The following VGLL2 variants were observed in gnomAD, a reference collection of about 807,000 sequenced individuals.
VGLL2 encodes the protein vestigial like family member 2, also known as transcription cofactor vestigial-like protein 2.
Under a neutral mutation model 27.0 loss-of-function variants are expected in VGLL2, and 18 were observed. The observed-to-expected ratio is 0.67, with a 90% confidence interval of 0.46 to 0.99. The LOEUF (loss-of-function observed/expected upper bound fraction) is 0.99. Among genes scored for constraint, VGLL2 ranks in the 50% least tolerant of loss-of-function variants. VGLL2 has a pLI of 0.00. For missense variants in VGLL2, 491 were observed against 452.3 expected, an observed-to-expected ratio of 1.09 and a Z score of -0.78; for synonymous variants, 220 against 201.1, an observed-to-expected ratio of 1.09 and a Z score of -0.80.
At chr6:117,270,453 G>C (rs1773160878) in intron 2 of VGLL2, 90 bp from the exon 3 acceptor site, 3 of 1,427,308 alleles carry the variant, frequency 2.1e-6, no homozygotes, top group Non-Finnish European at 2.8e-6. Flanking sequence ...TCGTCTCTCG[G>C]GCGGGACGTG....
chr6:117,268,134 G>A (rs944250861), intron 1 of VGLL2, 48 bp from the exon 2 acceptor site: 2 of 1,581,214 alleles, frequency 1.3e-6, no homozygotes, highest in Non-Finnish European at 1.7e-6. Flanking sequence ...AACCGAATTT[G>A]CCATCGCTTT....
chr6:117,268,134 G>T, intron 1 of VGLL2, 48 bp from the exon 2 acceptor site: 1 of 1,581,214 alleles, frequency 6.3e-7, no homozygotes. Context: ...AACCGAATTT[G>T]CCATCGCTTT....
chr6:117,270,663 TCGC>T lies in VGLL2; in HGVS notation c.521_523del (p.Ala174del). ...GCCACCGCGCACTCGGAGCTGCCCT[TCGC>T]CGCCGCCGACCCCTACTCGCCCGCC... On this transcript the variant is annotated inframe_deletion, in exon 3 of 4. Transcript: ENST00000326274. The T allele has an allele frequency of 6.4e-7, 1 of 1,561,764 alleles. No individual in the cohort carries two copies. The highest frequency in any genetic ancestry group is 1.4e-5 in the African/African-American group (1 of 72,226).
Position 117,273,215 on chromosome 6 carries a change from G to T in VGLL2, c.*721G>T, listed in dbSNP as rs1219774542. 6.6e-6 allele frequency: 1 copy of T among 152,382 alleles called. No homozygotes were observed. The highest frequency in any genetic ancestry group is 1.5e-5 in the Non-Finnish European group (1 of 68,052). The allele number at this position is 152,382 out of a possible 1,614,324, so 9.4% of individuals were successfully genotyped here. ...TTGGCAGAACAATTGCAATTGCACT[G>T]GGTATATTATATATATATATGTATG... On this transcript the variant is annotated 3_prime_UTR_variant, in exon 4 of 4. Coordinates refer to ENST00000326274, the MANE Select transcript of VGLL2 (RefSeq NM_182645.3).
At chr6:117,272,101 A>G (rs1773214299) in intron 3 of VGLL2, among the ~76,000 whole-genome samples, 1 of 149,316 alleles carries the variant, frequency 6.7e-6, no homozygotes, top group Non-Finnish European at 1.5e-5. Flanking sequence ...GACTTTCACA[A>G]TAAAACAGTG....
chr6:117,265,743 C>T lies in VGLL2; in HGVS notation c.-21C>T, dbSNP rs781673397. On this transcript the variant is annotated 5_prime_UTR_variant, in exon 1 of 4. Coordinates refer to ENST00000326274, the MANE Select transcript of VGLL2 (RefSeq NM_182645.3). ...GGAGAGTTAATGAAAAAACACTTAA[C>T]CGTCTCCGCTGCGGAGAGTCATGAG... 1.5e-5 allele frequency: 24 copies of T among 1,606,182 alleles called. No individual in the cohort carries two copies. Among genetic ancestry groups the T allele is most frequent in the Non-Finnish European group, 2.0e-5 (24 of 1,172,966 alleles).
intron 1 of VGLL2, among the ~76,000 whole-genome samples, chr6:117,266,720 G>A (rs1183207320): frequency 6.6e-6 from 1 of 152,168 alleles, no homozygotes; most frequent in African/African-American, 2.4e-5. Context: ...ATACACCTGG[G>A]AGGCTGTAGG....
rs147838633 is a variant in VGLL2 at position 117,270,566 on chromosome 6, C to T, written c.415C>T (p.Arg139Cys). 4.4e-6 allele frequency: 7 copies of T among 1,598,786 alleles called. No homozygotes were observed. The highest frequency in any genetic ancestry group is 1.4e-5 in the African/African-American group (1 of 73,604). The change falls in exon 3 of 4, where the codon CGC (arginine) becomes TGC (cysteine). Residue 139 changes from arginine to cysteine, a missense_variant. Physicochemically the swap from Arg to Cys is radical, Grantham distance 180 (BLOSUM62 -3). Transcript: ENST00000326274. Reference sequence around the variant, plus strand: ...AGACTGCTCCTTCCCGATGAGCCAGCGCAGCTTCCCCGCCTCCTTCTGGAA... The same window carrying T: ...AGACTGCTCCTTCCCGATGAGCCAGTGCAGCTTCCCCGCCTCCTTCTGGAA... ...WRDCSFPMSQ[R>C]SFPASFWNSA... is the part of the protein sequence containing the mutation.
At chr6:117,268,530 TCCTCTCAGCCTGGGGTTCA>T in intron 2 of VGLL2, 39 bp downstream of exon 2, 2 of 1,519,526 alleles carry the variant, frequency 1.3e-6, no homozygotes, top group Non-Finnish European at 1.8e-6. Context: ...CCATAGGGGG[TCCTCTCAGCCTGGGGTTCA>T]CCTACAGGAG....
At chr6:117,272,181 G>C (rs210974) in intron 3 of VGLL2, 40,430 of 351,684 alleles carry the variant, frequency 0.11, 3,681 homozygotes, top group African/African-American at 0.33. Context: ...CCCTCCCTTT[G>C]TCTTCCTCCT....
chr6:117,265,584 G>C lies in VGLL2; in HGVS notation c.-180G>C. On this transcript the variant is annotated 5_prime_UTR_variant, in exon 1 of 4. Transcript: ENST00000326274. ...CTTCTGCCCTGGAGCGCGGTCGGGAGTAAAATCGCAGGAGTGGGAGGGTAG... is the reference window on the plus strand; with the variant it reads ...CTTCTGCCCTGGAGCGCGGTCGGGACTAAAATCGCAGGAGTGGGAGGGTAG... 3.3e-6 allele frequency: 2 copies of C among 614,978 alleles called. No homozygotes were observed. The highest frequency in any genetic ancestry group is 5.5e-5 in the East Asian group (2 of 36,172). The allele number at this position is 614,978 out of a possible 1,614,324, so 38.1% of individuals were successfully genotyped here.
chr6:117,270,469 C>T, intron 2 of VGLL2, 74 bp from the exon 3 acceptor site: 2 of 1,468,060 alleles, frequency 1.4e-6, no homozygotes, highest in South Asian at 1.3e-5. Flanking sequence ...ACGTGCAGGT[C>T]GGCGCTGAGT....
intron 3 of VGLL2, 196 bp from the exon 4 acceptor site, chr6:117,272,258 C>G: frequency 1.0e-6 from 1 of 971,902 alleles, no homozygotes; most frequent in Non-Finnish European, 1.2e-6. Flanking sequence ...CTCTCCCTCT[C>G]TTTCCCTCCC....
chr6:117,267,042 G>T (rs1225762287), intron 1 of VGLL2, among the ~76,000 whole-genome samples: 4 of 152,058 alleles, frequency 2.6e-5, no homozygotes, highest in African/African-American at 9.7e-5. Context: ...ACATCGTTTT[G>T]TCCCCAATTA....
Position 117,272,492 on chromosome 6 carries a change from T to C in VGLL2, c.952T>C (p.Ter318ArgextTer13). Residue 318 changes from the stop codon to arginine (R), a stop_lost, in exon 4 of 4, where the codon TGA (stop) becomes CGA (arginine). Coordinates refer to ENST00000326274, the MANE Select transcript of VGLL2 (RefSeq NM_182645.3). The stretch of plus-strand genomic sequence containing the variant: ...CCTCTGTGGTGCATCCCTCCTGAGC[T>C]GATCTGCTGACCCAGGGTTTCCCCT... The part of the protein sequence containing the change: ...YSLCGASLLS[*>R] 1 of 1,614,170 alleles carries C rather than the reference T, an allele frequency of 6.2e-7. No individual in the cohort carries two copies. Among genetic ancestry groups the C allele is most frequent in the East Asian group, 2.2e-5 (1 of 44,864 alleles).
Position 117,265,756 on chromosome 6 carries a change from G to C in VGLL2, c.-8G>C. ...AAAAACACTTAACCGTCTCCGCTGC[G>C]GAGAGTCATGAGCTGTCTGGATGTT... On this transcript the variant is annotated 5_prime_UTR_variant, in exon 1 of 4. Coordinates refer to ENST00000326274, the MANE Select transcript of VGLL2 (RefSeq NM_182645.3). 1 of 1,613,624 alleles carries C rather than the reference G, an allele frequency of 6.2e-7. No individual in the cohort carries two copies.
In VGLL2 at chr6:117,270,696, T is replaced by G. The variant is rs1384580860; in HGVS notation, c.545T>G (p.Leu182Arg). 3 of 1,538,180 alleles carry G rather than the reference T, an allele frequency of 2.0e-6. No homozygotes were observed. Among genetic ancestry groups the G allele is most frequent in the Non-Finnish European group, 8.7e-7 (1 of 1,150,894 alleles). Residue 182 changes from leucine to arginine, a missense_variant, in exon 3 of 4, where the codon CTG becomes CGG. Physicochemically the swap from Leu to Arg is moderately radical, Grantham distance 102. Coordinates refer to ENST00000326274, the MANE Select transcript of VGLL2 (RefSeq NM_182645.3). ...GCCGACCCCTACTCGCCCGCCGCGC[T>G]GCATGGCCACCTGCACCAGGGCGCC... ...AAADPYSPAA[L>R]HGHLHQGATE...
intron 3 of VGLL2, among the ~76,000 whole-genome samples, chr6:117,271,509 A>G (rs1423815265): frequency 6.6e-6 from 1 of 152,026 alleles, no homozygotes; most frequent in East Asian, 1.9e-4. Context: ...AAAGAATGTA[A>G]AATTCATCTC....
intron 1 of VGLL2, among the ~76,000 whole-genome samples, chr6:117,267,242 G>C (rs706951): frequency 0.17 from 25,761 of 151,990 alleles, 2,328 homozygotes; most frequent in Admixed American, 0.21. Context: ...GGCCATCTCT[G>C]CCTGCAGAAT....
Sources: gnomAD v4.1 joint callset for allele counts (sites outside exome capture counted in the v4.1 genomes callset) on GRCh38, gnomAD v4.1.1 for gene constraint, MANE v1.5 for transcripts, NCBI Gene and HGNC (gene_info 2026-07-23, HGNC 2026-07-21) for gene names.